The following AHNAK variants were observed in gnomAD, a reference collection of about 807,000 sequenced individuals.
AHNAK encodes AHNAK nucleoprotein.
In AHNAK, 23 loss-of-function variants were observed where a neutral mutation model predicts 37.8. The observed-to-expected ratio is 0.61, with a 90% CI of 0.44 to 0.86. The LOEUF is 0.86. AHNAK is among the 40% of genes least tolerant of loss of function. The probability of loss-of-function intolerance (pLI) is 0.00; values close to 1 mark genes in which losing one functional copy is unlikely to be tolerated. For synonymous variants in AHNAK, 2,481 were observed against 2,636.3 expected (o/e 0.94, Z 1.80); for missense variants, 7,411 against 7,319.4 (o/e 1.01, Z -0.46).
chr11:62,540,954 C>T lies in AHNAK; in HGVS notation c.-99-4387G>A, dbSNP rs569981463. Among the ~76,000 whole-genome samples, 137 of 152,380 alleles carry T rather than the reference C, an allele frequency of 9.0e-4. 2 individuals are homozygous for T. The highest frequency in any genetic ancestry group is 8.8e-5 in the Non-Finnish European group (6 of 68,044). On this transcript the variant is annotated intron_variant, in intron 1 of 4. Transcript: ENST00000378024. ...GACGCAGAACTCCAGGAAGCAGATT[C>T]TTGACCCCAGCAGATGGCCTCTGCC...
Position 62,526,765 on chromosome 11 carries a change from G to C in AHNAK, c.7652C>G (p.Pro2551Arg). The change falls in exon 5 of 5, where the codon CCT becomes CGT. Residue 2551 changes from proline to arginine, a missense_variant. Transcript: ENST00000378024. The stretch of plus-strand genomic sequence containing the variant: ...CTCTGGTCCTTCAATATTAACATCA[G>C]GGCCTTCAATGTCCACCTTGGGTCC... ...ISGPKVDIEG[P>R]DVNIEGPEGK... The C allele has an allele frequency of 1.2e-6, 2 of 1,613,924 alleles. No individual in the cohort carries two copies. The highest frequency in any genetic ancestry group is 1.7e-6 in the Non-Finnish European group (2 of 1,179,998).
At chr11:62,470,354 G>A (rs1174939157) in intron 5 of AHNAK, among the ~76,000 whole-genome samples, 1 of 152,160 alleles carries the variant, frequency 6.6e-6, no homozygotes, top group African/African-American at 2.4e-5. Context: ...GTTGAGGCAA[G>A]AGAATCGCTT....
rs1314465646 is a variant in AHNAK at position 62,531,419 on chromosome 11, T to C, written c.2998A>G (p.Lys1000Glu). ...QGPDWNLKMP[K>E]IKMPKFSMPS... ...ATGCTAAATTTGGGCATTTTAATCT[T>C]TGGCATCTTCAAGTTCCAGTCAGGA... Residue 1000 changes from lysine (K) to glutamate (E), a missense_variant, in exon 5 of 5, where the codon AAG becomes GAG. Lys to Glu is a moderately conservative substitution (Grantham distance 56, BLOSUM62 1). Transcript: ENST00000378024. 1.4e-5 allele frequency: 22 copies of C among 1,614,090 alleles called. No individual in the cohort carries two copies. Among genetic ancestry groups the C allele is most frequent in the Middle Eastern group, 1.6e-4 (1 of 6,084 alleles).
At chr11:62,457,200 C>T (rs1938675485) in intron 5 of AHNAK, among the ~76,000 whole-genome samples, 1 of 152,154 alleles carries the variant, frequency 6.6e-6, no homozygotes, top group Non-Finnish European at 1.5e-5. Context: ...GTAATCCCGG[C>T]ACTTTGGGAG....
rs781209736 is a variant in AHNAK at position 62,534,089 on chromosome 11, G to C, written c.343-15C>G. On this transcript the variant is annotated splice_polypyrimidine_tract_variant and intron_variant, in intron 4 of 4. Coordinates refer to ENST00000378024, the MANE Select transcript of AHNAK (RefSeq NM_001620.3). The stretch of plus-strand genomic sequence containing the variant: ...TCATCCCCGCTCTGCAGAAAGACAC[G>C]CCGGGCAGAGGTTGCAGCAGAGTCT... 6.6e-7 allele frequency: 1 copy of C among 1,523,884 alleles called. No homozygotes were observed. Among genetic ancestry groups the C allele is most frequent in the South Asian group, 1.3e-5 (1 of 76,492 alleles). The allele number at this position is 1,523,884 out of a possible 1,614,324, so 94.4% of individuals were successfully genotyped here.
intron 5 of AHNAK, among the ~76,000 whole-genome samples, chr11:62,457,779 G>A (rs1346557644): frequency 1.3e-5 from 2 of 152,222 alleles, no homozygotes; most frequent in East Asian, 3.8e-4. Context: ...GTCACCACCA[G>A]AGAGAGGAGG....
chr11:62,493,300 C>T (rs1046733271), intron 4 of AHNAK, among the ~76,000 whole-genome samples: 7 of 149,922 alleles, frequency 4.7e-5, no homozygotes, highest in Middle Eastern at 3.5e-3. Flanking sequence ...AAGTGTAAGA[C>T]ATCATGCTCG....
intron 5 of AHNAK, among the ~76,000 whole-genome samples, chr11:62,457,101 G>A (rs1333540953): frequency 6.6e-6 from 1 of 152,166 alleles, no homozygotes; most frequent in Non-Finnish European, 1.5e-5. Context: ...AGGAGTTCAA[G>A]ACTAGCCTAG....
intron 1 of AHNAK, among the ~76,000 whole-genome samples, chr11:62,544,466 A>G (rs1440237692): frequency 6.6e-6 from 1 of 152,088 alleles, no homozygotes; most frequent in African/African-American, 2.4e-5. Flanking sequence ...TTAGGGACAA[A>G]GGCTTTAGAG....
intron 4 of AHNAK, among the ~76,000 whole-genome samples, chr11:62,492,509 G>A (rs1432481493): frequency 6.6e-6 from 1 of 152,154 alleles, no homozygotes; most frequent in Non-Finnish European, 1.5e-5. Context: ...AACTATGGTT[G>A]CCATCAGTGT....
chr11:62,474,980 G>A (rs772981736), intron 5 of AHNAK, among the ~76,000 whole-genome samples: 1 of 152,094 alleles, frequency 6.6e-6, no homozygotes, highest in Admixed American at 6.6e-5. Context: ...TGACAGAGGC[G>A]AGGTGCAGAG....
In AHNAK at chr11:62,517,538, C is replaced by T; in HGVS notation, c.16879G>A (p.Gly5627Ser). The part of the protein sequence containing the change: ...LHFSGPKVEG[G>S]VKGGQIGLQA... ...AGTCCAATCTGACCTCCTTTCACACCTCCTTCCACCTTTGGTCCTGAGAAA... is the reference window on the plus strand; with the variant it reads ...AGTCCAATCTGACCTCCTTTCACACTTCCTTCCACCTTTGGTCCTGAGAAA... The change falls in exon 5 of 5, where the codon GGT becomes AGT. Residue 5627 changes from glycine to serine, a missense_variant. By Grantham distance (56) the Gly-to-Ser change is moderately conservative. Coordinates refer to ENST00000378024, the MANE Select transcript of AHNAK (RefSeq NM_001620.3). The T allele has an allele frequency of 2.5e-6, 4 of 1,614,164 alleles. No individual in the cohort carries two copies. Among genetic ancestry groups the T allele is most frequent in the Non-Finnish European group, 3.4e-6 (4 of 1,180,026 alleles).
intron 5 of AHNAK, among the ~76,000 whole-genome samples, chr11:62,444,684 A>G (rs765990542): frequency 2.0e-5 from 3 of 152,158 alleles, no homozygotes; most frequent in Non-Finnish European, 4.4e-5. Context: ...CCCCTTTCCC[A>G]TGGGGCACAG....
Position 62,523,675 on chromosome 11 carries a change from C to T in AHNAK, c.10742G>A (p.Gly3581Asp), listed in dbSNP as rs763668772. Residue 3581 changes from glycine (G) to aspartate (D), a missense_variant, in exon 5 of 5, where the codon GGC becomes GAC. Coordinates refer to ENST00000378024, the MANE Select transcript of AHNAK (RefSeq NM_001620.3). ...TGGGGCATTGATGTCCACTTTAGGG[C>T]CTTTGATATCAACCTCTGGCCCTTT... ...DLKGPEVDIK[G>D]PKVDINAPDV... is the part of the protein sequence containing the mutation. The T allele has an allele frequency of 6.2e-7, 1 of 1,613,420 alleles. No homozygotes were observed. Among genetic ancestry groups the T allele is most frequent in the Non-Finnish European group, 8.5e-7 (1 of 1,179,882 alleles).
At position 62,493,862 on chromosome 11, in the gene AHNAK, A is replaced by AT. The variant is rs568837014; in HGVS notation, c.343-2032dup. ...CAGGAGGACTGTTGGGGCCACTTAA[A>AT]TTTTTCCTCCCCATAATGAAGCAAA... On this transcript the variant is annotated intron_variant, in intron 4 of 5. Coordinates refer to the AHNAK transcript ENST00000257247. 2.9e-3 allele frequency among the ~76,000 whole-genome samples: 446 copies of AT among 152,020 alleles called. 4 individuals carry two copies. The highest frequency in any genetic ancestry group is 6.8e-3 in the Middle Eastern group (2 of 294).
chr11:62,538,718 A>T (rs898396958), intron 1 of AHNAK, among the ~76,000 whole-genome samples: 8 of 152,208 alleles, frequency 5.3e-5, no homozygotes, highest in African/African-American at 1.9e-4. Context: ...CCAGACAGGG[A>T]GATTTAAGAC....
chr11:62,471,108 T>C (rs1054524635), intron 5 of AHNAK, among the ~76,000 whole-genome samples: 9 of 152,190 alleles, frequency 5.9e-5, no homozygotes, highest in African/African-American at 1.9e-4. Context: ...TGATGGCCCA[T>C]GGGGAGGTGG....
intron 5 of AHNAK, among the ~76,000 whole-genome samples, chr11:62,471,806 C>T (rs1198472942): frequency 1.3e-5 from 2 of 151,850 alleles, no homozygotes; most frequent in South Asian, 2.1e-4. Flanking sequence ...AGGCACCCCT[C>T]AGCCCCGCAC....
rs34838843 is a variant in AHNAK, at chr11:62,436,634, T to TAAAA, written c.443-2747_443-2744dup. ...CATGAAAATCTGCATTTCTTTTCAT[T>TAAAA]AAAAAAAAAAAAAAAGTATAGGCCG... On this transcript the variant is annotated intron_variant, in intron 5 of 5. Transcript: ENST00000257247. 9.1e-4 allele frequency among the ~76,000 whole-genome samples: 130 copies of TAAAA among 142,772 alleles called. 1 individual carries two copies. Among genetic ancestry groups the TAAAA allele is most frequent in the Admixed American group, 1.5e-3 (22 of 14,262 alleles). The allele number at this position is 142,772 out of a possible 152,430, so 93.7% of individuals were successfully genotyped here.
Sources: gnomAD v4.1 joint callset for allele counts (sites outside exome capture counted in the v4.1 genomes callset) on GRCh38, gnomAD v4.1.1 for gene constraint, MANE v1.5 for transcripts, NCBI Gene and HGNC (gene_info 2026-07-23, HGNC 2026-07-21) for gene names.